The following KPNA1 variants were observed in gnomAD, a reference collection of about 807,000 sequenced individuals.
The protein encoded by KPNA1 is importin subunit alpha-5.
In KPNA1, 10 loss-of-function variants were observed where a neutral mutation model predicts 70.5. That is an observed-to-expected ratio of 0.14 (90% CI 0.09 to 0.24). KPNA1 has a LOEUF of 0.24. KPNA1 is among the 10% of genes least tolerant of loss of function. KPNA1 has a pLI of 1.00. For missense variants in KPNA1, 397 were observed against 637.9 expected (o/e 0.62, Z 4.07); for synonymous variants, 192 against 221.9 (o/e 0.87, Z 1.20).
chr3:122,506,443 T>C (rs992659553), intron 1 of KPNA1, among the ~76,000 whole-genome samples: 2 of 152,220 alleles, frequency 1.3e-5, no homozygotes, highest in African/African-American at 4.8e-5. Flanking sequence ...CAAACGATAG[T>C]AGGTCCGTTT....
At chr3:122,504,183 GGT>G (rs973088971) in intron 1 of KPNA1, among the ~76,000 whole-genome samples, 34 of 152,096 alleles carry the variant, frequency 2.2e-4, no homozygotes, top group African/African-American at 8.2e-4. Context: ...CCATCAACTG[GGT>G]GTCTTATAAA....
chr3:122,449,319 G>A (rs2076173846), intron 9 of KPNA1, among the ~76,000 whole-genome samples: 1 of 152,124 alleles, frequency 6.6e-6, no homozygotes, highest in South Asian at 2.1e-4. Context: ...GTATGAGCCT[G>A]GAACTACACA....
intron 6 of KPNA1, 69 bp from the exon 7 acceptor site, chr3:122,452,133 T>C: frequency 1.0e-6 from 1 of 961,722 alleles, no homozygotes; most frequent in East Asian, 2.4e-5. Flanking sequence ...CAGATGCCAG[T>C]ATATCACAAT....
chr3:122,465,259 A>G (rs1173110258), intron 3 of KPNA1, among the ~76,000 whole-genome samples: 2 of 152,226 alleles, frequency 1.3e-5, no homozygotes, highest in African/African-American at 4.8e-5. Flanking sequence ...ATGCCCCACT[A>G]ATCCCATCAT....
intron 1 of KPNA1, among the ~76,000 whole-genome samples, chr3:122,503,256 C>CATATAT (rs5852301): frequency 2.7e-5 from 4 of 149,784 alleles, no homozygotes; most frequent in Non-Finnish European, 5.9e-5. Context: ...AGCATGCATA[C>CATATAT]ATATATATAT....
chr3:122,499,721 T>C (rs955967365), intron 1 of KPNA1, among the ~76,000 whole-genome samples: 2 of 150,994 alleles, frequency 1.3e-5, no homozygotes, highest in African/African-American at 2.4e-5. Context: ...ATCACACCAC[T>C]GTACTCCAGC....
chr3:122,469,573 A>T (rs1011787421), intron 2 of KPNA1, among the ~76,000 whole-genome samples: 1 of 152,202 alleles, frequency 6.6e-6, no homozygotes, highest in African/African-American at 2.4e-5. Context: ...CCAGGTACAA[A>T]AATAAAAACT....
chr3:122,449,758 T>C (rs374727463), intron 8 of KPNA1, 21 bp from the exon 9 acceptor site: 1 of 1,594,312 alleles, frequency 6.3e-7, no homozygotes, highest in South Asian at 1.1e-5. Flanking sequence ...AAAATGATGA[T>C]TATGAAATTC....
intron 2 of KPNA1, among the ~76,000 whole-genome samples, chr3:122,485,661 T>C (rs2076620973): frequency 6.6e-6 from 1 of 152,102 alleles, no homozygotes; most frequent in Admixed American, 6.6e-5. Flanking sequence ...TTAACAGACT[T>C]CACTAAAGTA....
chr3:122,434,130 C>T (rs774935516), intron 11 of KPNA1, among the ~76,000 whole-genome samples: 9 of 151,990 alleles, frequency 5.9e-5, no homozygotes, highest in Non-Finnish European at 8.8e-5. Flanking sequence ...AGAGACAGGG[C>T]TTCACCATGT....
At chr3:122,442,452 T>C (rs1244432161) in intron 9 of KPNA1, among the ~76,000 whole-genome samples, 2 of 152,192 alleles carry the variant, frequency 1.3e-5, no homozygotes, top group African/African-American at 2.4e-5. Flanking sequence ...GCTGAGATAA[T>C]TGAGAGCAAT....
chr3:122,429,856 T>C (rs896652008), intron 12 of KPNA1, among the ~76,000 whole-genome samples: 10 of 152,162 alleles, frequency 6.6e-5, no homozygotes, highest in African/African-American at 2.4e-4. Flanking sequence ...TGGAACAAAA[T>C]AGAGGGCCCA....
At chr3:122,497,287 A>G (rs1321069156) in intron 1 of KPNA1, among the ~76,000 whole-genome samples, 1 of 152,198 alleles carries the variant, frequency 6.6e-6, no homozygotes, top group Non-Finnish European at 1.5e-5. Context: ...TGGCTGAATA[A>G]TATTCCATTC....
At chr3:122,436,247 C>G (rs1486852478) in intron 11 of KPNA1, among the ~76,000 whole-genome samples, 1 of 152,196 alleles carries the variant, frequency 6.6e-6, no homozygotes, top group South Asian at 2.1e-4. Context: ...GTTCTCAAAC[C>G]CTGTCTCCTG....
chr3:122,469,212 C>T (rs983621788), intron 2 of KPNA1, among the ~76,000 whole-genome samples: 1 of 152,146 alleles, frequency 6.6e-6, no homozygotes, highest in Non-Finnish European at 1.5e-5. Flanking sequence ...CAAAAGCCCA[C>T]CAAGAGTTTT....
chr3:122,444,831 G>A (rs948469567), intron 9 of KPNA1, among the ~76,000 whole-genome samples: 5 of 152,140 alleles, frequency 3.3e-5, no homozygotes, highest in Admixed American at 1.3e-4. Context: ...GAAGGAAAAC[G>A]AATAAGCAGA....
At position 122,437,258 on chromosome 3, in the gene KPNA1, T is replaced by G; in HGVS notation, c.1034A>C (p.His345Pro). ...AGATTCCTTTGGGCTACTCAGCAAA[T>G]GCAATAAACTCTGCAGAGCTGAGCA... The part of the protein sequence containing the change: ...LNCSALQSLL[H>P]LLSSPKESIK... Residue 345 changes from histidine to proline, a missense_variant, in exon 11 of 14, where the codon CAT (histidine) becomes CCT (proline). By Grantham distance (77) the His-to-Pro change is moderately conservative (BLOSUM62 -2). Transcript: ENST00000344337. 6.2e-7 allele frequency: 1 copy of G among 1,613,784 alleles called. No individual in the cohort carries two copies. The highest frequency in any genetic ancestry group is 8.5e-7 in the Non-Finnish European group (1 of 1,179,756).
In KPNA1 at chr3:122,467,413, T is replaced by C; in HGVS notation, c.146A>G (p.Asn49Ser). The C allele has an allele frequency of 1.2e-6, 2 of 1,605,866 alleles. No individual in the cohort carries two copies. Among genetic ancestry groups the C allele is most frequent in the Non-Finnish European group, 1.7e-6 (2 of 1,174,226 alleles). Reference protein sequence around the residue: ...KREEQLFKRRNVATAEEETEE... With the variant: ...KREEQLFKRRSVATAEEETEE... ...TGTTTCTTCTTCTGCTGTAGCAACA[T>C]TTCTCCGCTTGAATAACTGAAAGAT... Residue 49 changes from asparagine (N) to serine (S), a missense_variant, in exon 3 of 14, where the codon AAT becomes AGT. Coordinates refer to ENST00000344337, the MANE Select transcript of KPNA1 (RefSeq NM_002264.4).
At chr3:122,439,435 T>C (rs2076034585) in intron 10 of KPNA1, among the ~76,000 whole-genome samples, 2 of 152,062 alleles carry the variant, frequency 1.3e-5, no homozygotes, top group Non-Finnish European at 2.9e-5. Context: ...GGCAATTCTC[T>C]CACCTCAGCC....
Sources: allele counts gnomAD v4.1 joint callset (sites outside exome capture counted in the v4.1 genomes callset), GRCh38; gene constraint gnomAD v4.1.1; transcripts MANE v1.5; gene names NCBI Gene and HGNC (gene_info 2026-07-23, HGNC 2026-07-21).